Variants in PPP2R3C observed in about 807,000 individuals in gnomAD.
PPP2R3C encodes the protein protein phosphatase 2 regulatory subunit B''gamma.
PPP2R3C carries 47 observed loss-of-function variants against 63.7 expected under a neutral mutation model. The observed-to-expected ratio is 0.74, with a 90% confidence interval of 0.58 to 0.94. The LOEUF (loss-of-function observed/expected upper bound fraction) is 0.94. Among genes scored for constraint, PPP2R3C ranks in the 40% least tolerant of loss-of-function variants. The pLI, the probability that PPP2R3C is intolerant of heterozygous loss-of-function variation, is 0.00. For missense variants in PPP2R3C, 421 were observed against 518.4 expected (o/e 0.81, Z 1.82); for synonymous variants, 180 against 177.4 (o/e 1.01, Z -0.12).
At chr14:35,121,008 T>C (rs2046866678) in intron 1 of PPP2R3C, among the ~76,000 whole-genome samples, 1 of 151,832 alleles carries the variant, frequency 6.6e-6, no homozygotes, top group Non-Finnish European at 1.5e-5. Flanking sequence ...AAATTGAATG[T>C]AGGAGAATGA....
chr14:35,096,318 C>T (rs1205584092), intron 9 of PPP2R3C, among the ~76,000 whole-genome samples: 1 of 152,194 alleles, frequency 6.6e-6, no homozygotes, highest in East Asian at 1.9e-4. Context: ...CATGTCACTG[C>T]ACTCCAGCCA....
intron 6 of PPP2R3C, among the ~76,000 whole-genome samples, chr14:35,104,088 T>C (rs550298995): frequency 6.6e-6 from 1 of 152,358 alleles, no homozygotes; most frequent in South Asian, 2.1e-4. Flanking sequence ...AACAGGGGAC[T>C]GTTTTTATAA....
At chr14:35,113,417 G>A (rs2046621713) in intron 2 of PPP2R3C, among the ~76,000 whole-genome samples, 2 of 152,148 alleles carry the variant, frequency 1.3e-5, no homozygotes, top group African/African-American at 4.8e-5. Context: ...AGGAAAAAAA[G>A]GAGATTCCCT....
chr14:35,121,727 A>G, intron 1 of PPP2R3C, 175 bp downstream of exon 1: 1 of 646,470 alleles, frequency 1.5e-6, no homozygotes, highest in Middle Eastern at 4.3e-4. Flanking sequence ...GCCCCAGGAA[A>G]GTTTGGGTCA....
intron 1 of PPP2R3C, among the ~76,000 whole-genome samples, chr14:35,121,585 A>C (rs1341590157): frequency 6.6e-6 from 1 of 152,214 alleles, no homozygotes; most frequent in Non-Finnish European, 1.5e-5. Flanking sequence ...GTAAAAAGGC[A>C]GGAGGACAAT....
chr14:35,122,141 A>C (rs1052355921), upstream of PPP2R3C: 5 of 604,498 alleles, frequency 8.3e-6, no homozygotes, highest in African/African-American at 7.4e-5. Flanking sequence ...GCCGCGGAGA[A>C]TACCGCTACC....
intron 7 of PPP2R3C, among the ~76,000 whole-genome samples, chr14:35,097,482 CTT>C (rs988302767): frequency 2.2e-4 from 30 of 133,704 alleles, no homozygotes; most frequent in Admixed American, 3.0e-4. Context: ...TGTTCTTGTT[CTT>C]TTTTTTTTTT....
chr14:35,103,526 C>A (rs931547463), intron 6 of PPP2R3C, among the ~76,000 whole-genome samples: 10 of 152,068 alleles, frequency 6.6e-5, no homozygotes, highest in Middle Eastern at 3.2e-3. Flanking sequence ...TTGATATTAT[C>A]TGCTTATAAT....
chr14:35,108,793 A>T (rs1165850743), intron 4 of PPP2R3C, among the ~76,000 whole-genome samples: 1 of 151,980 alleles, frequency 6.6e-6, no homozygotes, highest in Non-Finnish European at 1.5e-5. Flanking sequence ...ATATATATAT[A>T]TAAACAGAGA....
At chr14:35,120,362 A>G (rs2046831611) in intron 1 of PPP2R3C, among the ~76,000 whole-genome samples, 1 of 151,300 alleles carries the variant, frequency 6.6e-6, no homozygotes, top group South Asian at 2.1e-4. Flanking sequence ...CTCCTGCCTC[A>G]ACCTCTGGAG....
chr14:35,110,771 A>T, intron 2 of PPP2R3C, 142 bp from the exon 3 acceptor site: 1 of 589,308 alleles, frequency 1.7e-6, no homozygotes. Flanking sequence ...ACATTTGTTT[A>T]ACAAAAACTG....
At chr14:35,120,666 C>G (rs1273903104) in intron 1 of PPP2R3C, among the ~76,000 whole-genome samples, 1 of 151,980 alleles carries the variant, frequency 6.6e-6, no homozygotes, top group African/African-American at 2.4e-5. Context: ...AAGAGTGTTG[C>G]CTGGGTGCGG....
chr14:35,088,065 C>T (rs1566682287), intron 11 of PPP2R3C, 55 bp from the exon 12 acceptor site: 2 of 1,286,686 alleles, frequency 1.6e-6, no homozygotes, highest in South Asian at 2.4e-5. Flanking sequence ...CAACATCCCT[C>T]TTTTGCCCTA....
chr14:35,122,017 C>G, upstream of PPP2R3C: 1 of 1,593,570 alleles, frequency 6.3e-7, no homozygotes, highest in Non-Finnish European at 8.6e-7. Context: ...TCCACCCCTA[C>G]CAGCTCAGGC....
chr14:35,116,836 T>C, intron 1 of PPP2R3C, 99 bp from the exon 2 acceptor site: 5 of 1,027,144 alleles, frequency 4.9e-6, no homozygotes, highest in Non-Finnish European at 6.5e-6. Context: ...TTAAAATAGT[T>C]GCAGTGCCAA....
At chr14:35,089,746 A>C (rs1396748036) in intron 11 of PPP2R3C, among the ~76,000 whole-genome samples, 2 of 152,058 alleles carry the variant, frequency 1.3e-5, no homozygotes, top group African/African-American at 2.4e-5. Flanking sequence ...GCTCACTGCA[A>C]GCTCTGCCTC....
intron 5 of PPP2R3C, chr14:35,107,849 A>T (rs923886088): frequency 9.3e-6 from 4 of 431,672 alleles, no homozygotes; most frequent in Non-Finnish European, 1.6e-5. Flanking sequence ...ATACTGGTAA[A>T]ATAAAATTAT....
chr14:35,117,137 A>G (rs749398979), intron 1 of PPP2R3C: 18 of 455,818 alleles, frequency 3.9e-5, no homozygotes, highest in Non-Finnish European at 6.6e-5. Flanking sequence ...CCAGCCCCTG[A>G]CCTCATGGAG....
chr14:35,099,526 T>C lies in PPP2R3C; in HGVS notation c.574-142A>G, dbSNP rs897440707. ...GACTATTTTAGTGGTAAAACTATTT[T>C]ACATTAAATTTTGTTTCTAATTTGT... On this transcript the variant is annotated intron_variant, in intron 6 of 12. Transcript: ENST00000261475. 7.5e-6 allele frequency: 8 copies of C among 1,066,244 alleles called. No individual in the cohort carries two copies. In the South Asian group the frequency reaches 1.6e-4, roughly 22 times the overall value. The allele number at this position is 1,066,244 out of a possible 1,614,324, so 66.0% of individuals were successfully genotyped here.
Sources: gnomAD v4.1 joint callset for allele counts (sites outside exome capture counted in the v4.1 genomes callset) on GRCh38, gnomAD v4.1.1 for gene constraint, MANE v1.5 for transcripts, NCBI Gene and HGNC (gene_info 2026-07-23, HGNC 2026-07-21) for gene names.